Variants in BZW2 observed in about 807,000 individuals in gnomAD.
The protein encoded by BZW2 is basic leucine zipper and W2 domains 2, also known as eIF5-mimic protein 1.
Under a neutral mutation model 53.2 loss-of-function variants are expected in BZW2, and 23 were observed. That is an observed-to-expected ratio of 0.43 (90% confidence interval 0.31 to 0.61). The LOEUF (loss-of-function observed/expected upper bound fraction) is 0.61, where lower values mean the gene tolerates loss of function less well. BZW2 is among the 20% of genes least tolerant of loss of function. BZW2 has a pLI of 0.09. For synonymous variants in BZW2, 227 were observed against 186.4 expected, an observed-to-expected ratio of 1.22 and a Z score of -1.77; for missense variants, 409 against 503.1, an observed-to-expected ratio of 0.81 and a Z score of 1.79.
At chr7:16,704,510 G>T (rs933821041) in intron 10 of BZW2, 37 bp from the exon 11 acceptor site, 2 of 1,492,872 alleles carry the variant, frequency 1.3e-6, no homozygotes, top group Non-Finnish European at 9.1e-7. Flanking sequence ...CATGACATTT[G>T]TATAGTAACT....
At chr7:16,693,067 C>T (rs1440487997) in intron 7 of BZW2, among the ~76,000 whole-genome samples, 1 of 152,086 alleles carries the variant, frequency 6.6e-6, no homozygotes, top group East Asian at 1.9e-4. Flanking sequence ...GCTTGTATTC[C>T]AAATAAGATA....
At chr7:16,683,011 G>C (rs950019291) in intron 5 of BZW2, among the ~76,000 whole-genome samples, 166 bp downstream of exon 5, 19 of 151,890 alleles carry the variant, frequency 1.3e-4, no homozygotes, top group African/African-American at 3.9e-4. Flanking sequence ...GCCTGGCCAA[G>C]ATGCTGAAAC....
chr7:16,661,596 G>A (rs996711850), intron 1 of BZW2, among the ~76,000 whole-genome samples: 3 of 152,108 alleles, frequency 2.0e-5, no homozygotes, highest in Non-Finnish European at 4.4e-5. Context: ...AAAAGTGTTC[G>A]ATTCATTAAT....
intron 2 of BZW2, among the ~76,000 whole-genome samples, chr7:16,666,975 C>T (rs1390490932): frequency 4.7e-5 from 7 of 150,206 alleles, no homozygotes; most frequent in Non-Finnish European, 1.0e-4. Context: ...TAGAGGTCCT[C>T]TTGGATGTAA....
At chr7:16,698,276 G>A in intron 10 of BZW2, 90 bp downstream of exon 10, 2 of 1,527,176 alleles carry the variant, frequency 1.3e-6, no homozygotes, top group Non-Finnish European at 1.8e-6. Flanking sequence ...GAGGTCATGG[G>A]GCTCTGTTTA....
chr7:16,695,025 A>G (rs200649889), intron 8 of BZW2, 21 bp downstream of exon 8: 64 of 1,554,508 alleles, frequency 4.1e-5, no homozygotes, highest in South Asian at 1.2e-5. Flanking sequence ...ACGGGCAGAC[A>G]TCACCTCAAT....
rs1195611138 is a variant in BZW2 at position 16,674,437 on chromosome 7, A to G, written c.84A>G (p.Thr28=). 1 of 1,588,414 alleles carries G rather than the reference A, an allele frequency of 6.3e-7. No individual in the cohort carries two copies. Among genetic ancestry groups the G allele is most frequent in the Middle Eastern group, 1.7e-4 (1 of 5,918 alleles). The change falls in exon 3 of 12, where the codon ACA becomes ACG. Residue 28 remains threonine, a synonymous_variant. Transcript: ENST00000258761. ...KRDEKEKFEP[T]VFRDTLVQGL... is the part of the protein sequence containing the mutation. ...ATGAAAAAGAGAAATTCGAACCCAC[A>G]GTCTTCAGGGATACACTTGTCCAGG... is the stretch of plus-strand genomic sequence containing the variant.
At chr7:16,675,021 T>A (rs186325410) in intron 3 of BZW2, among the ~76,000 whole-genome samples, 3 of 151,004 alleles carry the variant, frequency 2.0e-5, no homozygotes, top group Non-Finnish European at 4.4e-5. Flanking sequence ...TTTTGAAAAA[T>A]CATTTAAATT....
Position 16,698,158 on chromosome 7 carries a change from T to C in BZW2, c.1080T>C (p.Phe360=). The change falls in exon 10 of 12, where the codon TTT becomes TTC. Residue 360 remains phenylalanine, a synonymous_variant. Coordinates refer to ENST00000258761, the MANE Select transcript of BZW2 (RefSeq NM_014038.3). The part of the protein sequence containing the change: ...CYDNIHFMKA[F]QKIVVLFYKA... ...ACAACATCCATTTCATGAAAGCCTT[T>C]CAGAAGATTGTGGTTCTCTTTTATA... is the stretch of plus-strand genomic sequence containing the variant. 6.2e-7 allele frequency: 1 copy of C among 1,614,214 alleles called. No individual in the cohort carries two copies. Among genetic ancestry groups the C allele is most frequent in the Non-Finnish European group, 8.5e-7 (1 of 1,180,032 alleles).
intron 7 of BZW2, among the ~76,000 whole-genome samples, chr7:16,690,772 A>G (rs549687154): frequency 6.6e-6 from 1 of 152,362 alleles, no homozygotes; most frequent in Non-Finnish European, 1.5e-5. Flanking sequence ...TTTCTAAGAA[A>G]ATCCAGAAAA....
At chr7:16,688,783 G>A (rs1466191660) in intron 6 of BZW2, among the ~76,000 whole-genome samples, 3 of 152,100 alleles carry the variant, frequency 2.0e-5, no homozygotes, top group African/African-American at 7.2e-5. Flanking sequence ...TTTCTATTTG[G>A]AAATAAGTGG....
chr7:16,665,535 A>G, intron 2 of BZW2, 34 bp downstream of exon 2: 1 of 1,596,398 alleles, frequency 6.3e-7, no homozygotes. Flanking sequence ...GTGTGTTTAA[A>G]GTTGTAACCA....
chr7:16,688,179 C>T (rs1783188989), intron 6 of BZW2, among the ~76,000 whole-genome samples: 1 of 152,124 alleles, frequency 6.6e-6, no homozygotes, highest in South Asian at 2.1e-4. Flanking sequence ...ACATGGATTT[C>T]TTATGTAACA....
chr7:16,656,182 G>T (rs1452068144), intron 1 of BZW2, among the ~76,000 whole-genome samples: 1 of 145,452 alleles, frequency 6.9e-6, no homozygotes, highest in African/African-American at 2.8e-5. Context: ...ACAGCATTCA[G>T]TCCAGGAATG....
In BZW2 at chr7:16,665,815, GCTTT is replaced by G. The variant is rs368033901; in HGVS notation, c.58+319_58+322del. On this transcript the variant is annotated intron_variant, in intron 2 of 11. Coordinates refer to ENST00000258761, the MANE Select transcript of BZW2 (RefSeq NM_014038.3). ...GACATTAGCATTGTATTTGGTTTTTGCTTTCTTTGTCGTTTTATGAAAACGTTGA... is the reference window on the plus strand; with the variant it reads ...GACATTAGCATTGTATTTGGTTTTTGCTTTGTCGTTTTATGAAAACGTTGA... Among the ~76,000 whole-genome samples the G allele has an allele frequency of 2.4e-3, 370 of 152,232 alleles. 1 individual carries two copies. Among genetic ancestry groups the G allele is most frequent in the African/African-American group, 8.0e-3 (332 of 41,540 alleles).
chr7:16,697,085 G>GA, intron 9 of BZW2, 24 bp downstream of exon 9: 1 of 1,605,616 alleles, frequency 6.2e-7, no homozygotes, highest in Non-Finnish European at 8.5e-7. Flanking sequence ...GCAAGGAACT[G>GA]ACCCAGCCAA....
intron 10 of BZW2, among the ~76,000 whole-genome samples, chr7:16,703,126 A>G (rs1191184811): frequency 1.3e-5 from 2 of 152,120 alleles, no homozygotes; most frequent in Non-Finnish European, 2.9e-5. Flanking sequence ...GATGGCTGGT[A>G]GAAATTTCTT....
intron 9 of BZW2, 92 bp downstream of exon 9, chr7:16,697,153 G>C: frequency 7.1e-7 from 1 of 1,418,348 alleles, no homozygotes. Context: ...GCAGTGGCAC[G>C]ATCTGCGCTC....
intron 1 of BZW2, among the ~76,000 whole-genome samples, chr7:16,663,682 A>G (rs978888011): frequency 6.6e-6 from 1 of 152,174 alleles, no homozygotes; most frequent in African/African-American, 2.4e-5. Flanking sequence ...GTAATTAAGG[A>G]AATCTAGACA....
Sources: gnomAD v4.1 joint callset for allele counts (sites outside exome capture counted in the v4.1 genomes callset) on GRCh38, gnomAD v4.1.1 for gene constraint, MANE v1.5 for transcripts, NCBI Gene and HGNC (gene_info 2026-07-23, HGNC 2026-07-21) for gene names.